Variants in CSMD1 observed in about 807,000 individuals in gnomAD.
CSMD1 encodes the protein CUB and Sushi multiple domains 1.
In CSMD1, 213 loss-of-function variants were observed where a neutral mutation model predicts 417.5. The observed-to-expected ratio is 0.51, with a 90% CI of 0.46 to 0.57. The LOEUF is 0.57. Among genes scored for constraint, CSMD1 ranks in the 20% least tolerant of loss-of-function variants. The pLI is 0.00. For synonymous variants in CSMD1, 2,862 were observed against 1,736.8 expected, an observed-to-expected ratio of 1.65 and a Z score of -16.11; for missense variants, 6,923 against 4,529.7, an observed-to-expected ratio of 1.53 and a Z score of -15.17.
intron 1 of CSMD1, among the ~76,000 whole-genome samples, chr8:4,964,735 G>A (rs1329218418): frequency 6.6e-6 from 1 of 152,026 alleles, no homozygotes; most frequent in Non-Finnish European, 1.5e-5. Flanking sequence ...GAAAAAAAAT[G>A]AAAACTTCTT....
chr8:3,322,726 T>C (rs1264752272), intron 23 of CSMD1, among the ~76,000 whole-genome samples: 1 of 152,192 alleles, frequency 6.6e-6, no homozygotes, highest in Non-Finnish European at 1.5e-5. Context: ...TGGGGCAAGG[T>C]TGCCCATCCA....
intron 1 of CSMD1, among the ~76,000 whole-genome samples, chr8:4,983,461 C>A (rs1811006329): frequency 6.6e-6 from 1 of 152,178 alleles, no homozygotes; most frequent in Non-Finnish European, 1.5e-5. Flanking sequence ...TTCTCCAGGA[C>A]TTTAAGATTT....
intron 5 of CSMD1, among the ~76,000 whole-genome samples, chr8:3,937,842 T>G (rs758417732): frequency 5.3e-5 from 8 of 152,176 alleles, no homozygotes; most frequent in Non-Finnish European, 8.8e-5. Context: ...ATTTAAAGTT[T>G]ATAATTAAAT....
At chr8:3,596,951 C>A (rs568259075) in intron 8 of CSMD1, among the ~76,000 whole-genome samples, 13 of 152,182 alleles carry the variant, frequency 8.5e-5, no homozygotes, top group Non-Finnish European at 1.8e-4. Flanking sequence ...TAGCAGCACA[C>A]TTCTGCCTGC....
chr8:4,962,252 C>T (rs1427940314), intron 1 of CSMD1, among the ~76,000 whole-genome samples: 1 of 151,404 alleles, frequency 6.6e-6, no homozygotes, highest in African/African-American at 2.4e-5. Flanking sequence ...ACTCTGTCAC[C>T]CAAACTGGAG....
chr8:4,093,523 A>G (rs17404163), intron 3 of CSMD1, among the ~76,000 whole-genome samples: 18,715 of 152,248 alleles, frequency 0.12, 1,305 homozygotes, highest in Admixed American at 0.2. Context: ...GAATATAGTG[A>G]AATTTTACAT....
At chr8:3,574,731 T>C (rs994689695) in intron 10 of CSMD1, among the ~76,000 whole-genome samples, 2 of 152,214 alleles carry the variant, frequency 1.3e-5, no homozygotes, top group African/African-American at 4.8e-5. Flanking sequence ...CCAGAAGCAC[T>C]AAATGGCACC....
intron 1 of CSMD1, among the ~76,000 whole-genome samples, chr8:4,893,921 G>A (rs1006322293): frequency 3.9e-5 from 6 of 151,952 alleles, no homozygotes; most frequent in Admixed American, 1.3e-4. Context: ...TGTCTTTTTC[G>A]CAAAATGTTG....
intron 3 of CSMD1, among the ~76,000 whole-genome samples, chr8:4,319,987 T>TA (rs1799176149): frequency 7.2e-5 from 11 of 152,040 alleles, no homozygotes; most frequent in Admixed American, 7.2e-4. Context: ...AAAAATATCA[T>TA]AAAATAGGAG....
chr8:3,128,901 C>T (rs1323716124), intron 41 of CSMD1: 4 of 452,572 alleles, frequency 8.8e-6, no homozygotes, highest in Middle Eastern at 3.3e-4. Context: ...CCAGATCCTC[C>T]TATTGCAAGA....
chr8:4,612,820 C>T (rs959762278), intron 2 of CSMD1, among the ~76,000 whole-genome samples: 5 of 152,150 alleles, frequency 3.3e-5, no homozygotes, highest in African/African-American at 1.2e-4. Context: ...CTGGCTTTGA[C>T]AGAATTTAAG....
chr8:3,854,881 A>G lies in CSMD1; in HGVS notation c.819-100839T>C, dbSNP rs140941157. Among the ~76,000 whole-genome samples the G allele has an allele frequency of 5.3e-3, 807 of 152,346 alleles. 4 individuals are homozygous for G. The highest frequency in any genetic ancestry group is 9.1e-3 in the Non-Finnish European group (621 of 68,034). On this transcript the variant is annotated intron_variant, in intron 5 of 69. Transcript: ENST00000635120. ...CTAATCCATTTCAGAGTAAAATATT[A>G]TATGGACATTACAATTCACTCGCAA...
chr8:4,228,452 T>C (rs1801500894), intron 3 of CSMD1, among the ~76,000 whole-genome samples: 2 of 152,180 alleles, frequency 1.3e-5, no homozygotes, highest in South Asian at 4.1e-4. Flanking sequence ...TCAGGTCACC[T>C]GAAAGCAGCA....
chr8:3,688,824 G>C (rs893030278), intron 7 of CSMD1, among the ~76,000 whole-genome samples: 3 of 152,092 alleles, frequency 2.0e-5, no homozygotes, highest in Non-Finnish European at 4.4e-5. Context: ...CAGTGTAATA[G>C]TGGTTAATTA....
chr8:4,066,301 A>G (rs1563077429), intron 3 of CSMD1, among the ~76,000 whole-genome samples: 1 of 152,034 alleles, frequency 6.6e-6, no homozygotes, highest in Non-Finnish European at 1.5e-5. Flanking sequence ...TTAACCGTTT[A>G]TGTCTGGCTC....
intron 1 of CSMD1, among the ~76,000 whole-genome samples, chr8:4,872,855 G>A (rs1288173156): frequency 6.6e-6 from 1 of 152,022 alleles, no homozygotes; most frequent in Non-Finnish European, 1.5e-5. Context: ...ACACTTGCTG[G>A]ATATTGGCTC....
chr8:3,465,539 G>C (rs1046788837), intron 12 of CSMD1, among the ~76,000 whole-genome samples: 1 of 152,098 alleles, frequency 6.6e-6, no homozygotes, highest in African/African-American at 2.4e-5. Flanking sequence ...GCATCCTCCA[G>C]GGAGATTTTC....
Position 4,007,575 on chromosome 8 carries a change from G to A in CSMD1, c.611-9465C>T, listed in dbSNP as rs540397865. 7.9e-5 allele frequency among the ~76,000 whole-genome samples: 12 copies of A among 152,112 alleles called. No individual in the cohort carries two copies. In the East Asian group the frequency reaches 1.4e-3, roughly 17 times the overall value. On this transcript the variant is annotated intron_variant, in intron 4 of 69. Coordinates refer to ENST00000635120, the MANE Select transcript of CSMD1 (RefSeq NM_033225.6). ...ATCCTGTATGCTTACCTCTCGGTGC[G>A]TGCTGAGTGCAAAGCAATGGAATGC...
At chr8:3,010,075 G>T (rs1018995391) in intron 52 of CSMD1, among the ~76,000 whole-genome samples, 6 of 152,078 alleles carry the variant, frequency 3.9e-5, no homozygotes, top group African/African-American at 1.4e-4. Context: ...CTTGCCTGCC[G>T]GTGTCACGTC....
Sources: gnomAD v4.1 joint callset for allele counts (sites outside exome capture counted in the v4.1 genomes callset) on GRCh38, gnomAD v4.1.1 for gene constraint, MANE v1.5 for transcripts, NCBI Gene and HGNC (gene_info 2026-07-23, HGNC 2026-07-21) for gene names.